Variants in TMEM107 observed in about 807,000 individuals in gnomAD.
The protein encoded by TMEM107 is transmembrane protein 107.
TMEM107 carries 18 observed loss-of-function variants against 16.8 expected under a neutral mutation model. The observed-to-expected ratio is 1.07, with a 90% CI of 0.74 to 1.59. The LOEUF (loss-of-function observed/expected upper bound fraction) is 1.59, where lower values mean the gene tolerates loss of function less well. TMEM107 is among the 40% of genes most tolerant of loss of function. The pLI is 0.00. For missense variants in TMEM107, 152 were observed against 175.4 expected, an observed-to-expected ratio of 0.87 and a Z score of 0.75; for synonymous variants, 68 against 71.6, an observed-to-expected ratio of 0.95 and a Z score of 0.25.
In TMEM107 at chr17:8,173,507, T is replaced by C. The variant is rs779456932; in HGVS notation, c.*696A>G. 4.4e-5 allele frequency: 34 copies of C among 765,196 alleles called. No homozygotes were observed. Among genetic ancestry groups the C allele is most frequent in the East Asian group, 9.7e-5 (4 of 41,254 alleles). The allele number at this position is 765,196 out of a possible 1,614,324, so 47.4% of individuals were successfully genotyped here. The stretch of plus-strand genomic sequence containing the variant: ...AGTCCTGATTACGCAGAGACGTTAA[T>C]CACGTTTCATGCATCTCCAATCATC... On this transcript the variant is annotated 3_prime_UTR_variant, in exon 5 of 5. Transcript: ENST00000437139.
At chr17:8,175,687 T>C (rs1324346265) in intron 3 of TMEM107, 70 bp downstream of exon 3, 1 of 1,212,840 alleles carries the variant, frequency 8.2e-7, no homozygotes. Context: ...GACACTATTG[T>C]GTCAGGTGGC....
At position 8,173,351 on chromosome 17, in the gene TMEM107, C is replaced by T. The variant is rs1407740504; in HGVS notation, c.*852G>A. On this transcript the variant is annotated 3_prime_UTR_variant, in exon 5 of 5. Coordinates refer to ENST00000437139, the MANE Select transcript of TMEM107 (RefSeq NM_183065.4). ...TAGACAAACAGCAATAGCAAGACTG[C>T]AAAATAGACAAACAGCAAGGTTATC... 4 of 605,430 alleles carry T rather than the reference C, an allele frequency of 6.6e-6. No individual in the cohort carries two copies. The highest frequency in any genetic ancestry group is 2.3e-5 in the Admixed American group (1 of 43,048). 37.5% of individuals were successfully genotyped at this position (605,430 alleles called of 1,614,324 possible).
In TMEM107 at chr17:8,176,329, C is replaced by T; in HGVS notation, c.-43G>A. 1 of 1,537,466 alleles carries T rather than the reference C, an allele frequency of 6.5e-7. No homozygotes were observed. The highest frequency in any genetic ancestry group is 8.9e-7 in the Non-Finnish European group (1 of 1,119,592). On this transcript the variant is annotated 5_prime_UTR_variant, in exon 1 of 5. Transcript: ENST00000437139. ...GCGGCGGTCTCTGAGGCTGGAAGTT[C>T]AGAGACAGCGACTCCTGAAGTCTCC...
rs1217921115 is a variant in TMEM107 at position 8,174,140 on chromosome 17, C to CAGG, written c.*60_*62dup. On this transcript the variant is annotated 3_prime_UTR_variant, in exon 5 of 5. Transcript: ENST00000437139. ...ACCGAAGCCTATGCCTTCCTTCTTC[C>CAGG]AGGAATACGAAGCGGCCCTTGCCCC... 2.2e-5 allele frequency: 33 copies of CAGG among 1,470,500 alleles called. No individual in the cohort carries two copies. The Admixed American group carries it at 3.4e-4, about 15-fold the overall frequency. The allele number at this position is 1,470,500 out of a possible 1,614,324, so 91.1% of individuals were successfully genotyped here.
In TMEM107 at chr17:8,173,644, G is replaced by A. The variant is rs1983873937; in HGVS notation, c.*559C>T. On this transcript the variant is annotated 3_prime_UTR_variant, in exon 5 of 5. Coordinates refer to ENST00000437139, the MANE Select transcript of TMEM107 (RefSeq NM_183065.4). The stretch of plus-strand genomic sequence containing the variant: ...TGAAAAAGATTCCGTTACAAGCTAG[G>A]GTGAGTTCATAACGCGCTGGTATGA... 8.2e-6 allele frequency: 6 copies of A among 732,470 alleles called. No individual in the cohort carries two copies. In the East Asian group the frequency reaches 9.9e-5, roughly 12 times the overall value. The allele number at this position is 732,470 out of a possible 1,614,324, so 45.4% of individuals were successfully genotyped here.
intron 3 of TMEM107, chr17:8,174,996 C>A: frequency 4.5e-6 from 1 of 223,456 alleles, no homozygotes; most frequent in Non-Finnish European, 9.1e-6. Flanking sequence ...CCATGTGCCT[C>A]ATCTCCTTTG....
chr17:8,175,726 T>G, intron 3 of TMEM107, 31 bp downstream of exon 3: 2 of 1,576,118 alleles, frequency 1.3e-6, no homozygotes, highest in Non-Finnish European at 1.7e-6. Context: ...AAGTGGGTCG[T>G]GTGGGAAAGG....
In TMEM107 at chr17:8,173,562, C is replaced by T. The variant is rs185052658; in HGVS notation, c.*641G>A. 4.0e-4 allele frequency: 306 copies of T among 765,310 alleles called. 4 individuals carry two copies. The highest frequency in any genetic ancestry group is 2.3e-3 in the South Asian group (171 of 74,602). The allele number at this position is 765,310 out of a possible 1,614,324, so 47.4% of individuals were successfully genotyped here. A position where few individuals can be genotyped will look rare whatever the true frequency, so the allele number is the denominator to read the frequency against. ...TCTAATCTGCCCTCCGGAGGAGGAA[C>T]AGGTAAGGATTATCCCACCTGACGA... On this transcript the variant is annotated 3_prime_UTR_variant, in exon 5 of 5. Coordinates refer to ENST00000437139, the MANE Select transcript of TMEM107 (RefSeq NM_183065.4).
At chr17:8,175,452 A>C in intron 3 of TMEM107, 1 of 589,064 alleles carries the variant, frequency 1.7e-6, no homozygotes, top group Non-Finnish European at 3.0e-6. Context: ...CTCATTGTAA[A>C]AAGAAACGGT....
chr17:8,174,495 C>A, intron 4 of TMEM107, 25 bp downstream of exon 4: 1 of 1,609,478 alleles, frequency 6.2e-7, no homozygotes, highest in Non-Finnish European at 8.5e-7. Context: ...CCTCCCTCAT[C>A]CCCAAATATT....
At position 8,173,572 on chromosome 17, in the gene TMEM107, T is replaced by A. The variant is rs754512822; in HGVS notation, c.*631A>T. The A allele has an allele frequency of 2.6e-6, 2 of 764,780 alleles. No individual in the cohort carries two copies. The highest frequency in any genetic ancestry group is 4.8e-6 in the Non-Finnish European group (2 of 417,744). 47.4% of individuals were successfully genotyped at this position (764,780 alleles called of 1,614,324 possible). The stretch of plus-strand genomic sequence containing the variant: ...CCTCCGGAGGAGGAACAGGTAAGGA[T>A]TATCCCACCTGACGATACAGACAAA... On this transcript the variant is annotated 3_prime_UTR_variant, in exon 5 of 5. Transcript: ENST00000437139.
chr17:8,173,311 A>T lies in TMEM107; in HGVS notation c.*892T>A. 1 of 539,328 alleles carries T rather than the reference A, an allele frequency of 1.9e-6. No individual in the cohort carries two copies. The highest frequency in any genetic ancestry group is 2.9e-5 in the South Asian group (1 of 35,050). The allele number at this position is 539,328 out of a possible 1,614,324, so 33.4% of individuals were successfully genotyped here. ...ACAATTTTCAAGAACAAACAAATTT[A>T]GCAAGACTGCAAAATAGACAAACAG... On this transcript the variant is annotated 3_prime_UTR_variant, in exon 5 of 5. Transcript: ENST00000437139.
chr17:8,174,180 T>G lies in TMEM107; in HGVS notation c.*23A>C. On this transcript the variant is annotated 3_prime_UTR_variant, in exon 5 of 5. Transcript: ENST00000437139. ...GCCCTTGCCCCTGTAGGCTTCGTCC[T>G]TAGGTTCCCGTCATGAAGGTAATCA... 1 of 1,611,704 alleles carries G rather than the reference T, an allele frequency of 6.2e-7. No homozygotes were observed. The highest frequency in any genetic ancestry group is 8.5e-7 in the Non-Finnish European group (1 of 1,177,774).
chr17:8,176,246 G>C lies in TMEM107; in HGVS notation c.41C>G (p.Thr14Arg), dbSNP rs1172454509. 4 of 1,614,032 alleles carry C rather than the reference G, an allele frequency of 2.5e-6. No individual in the cohort carries two copies. The highest frequency in any genetic ancestry group is 3.4e-6 in the Non-Finnish European group (4 of 1,179,984). ...VSGLVPSRFL[T>R]LLAHLVVVIT... ...GACGACCACCAGATGCGCCAGGAGC[G>C]TCAGGAAGCGAGAGGGCACAAGCCC... The change falls in exon 1 of 5, where the codon ACG becomes AGG. Residue 14 changes from threonine to arginine, a missense_variant. Transcript: ENST00000437139.
chr17:8,173,674 T>C lies in TMEM107; in HGVS notation c.*529A>G, dbSNP rs534999794. The C allele has an allele frequency of 1.7e-5, 11 of 657,460 alleles. No individual in the cohort carries two copies. Among genetic ancestry groups the C allele is most frequent in the African/African-American group, 3.6e-5 (2 of 55,502 alleles). 40.7% of individuals were successfully genotyped at this position (657,460 alleles called of 1,614,324 possible). A position where few individuals can be genotyped will look rare whatever the true frequency, so the allele number is the denominator to read the frequency against. On this transcript the variant is annotated 3_prime_UTR_variant, in exon 5 of 5. Transcript: ENST00000437139. ...GTTCATAACGCGCTGGTATGAGCAA[T>C]CCTATTATTTAGCGTCCTTCCAGTT...
rs1322227501 is a variant in TMEM107, at chr17:8,173,264, A to G, written c.*939T>C. ...TGTATTATTTCACTGCCTAAATTCC[A>G]GAAAGCAACAAAAACCAAATCACAA... On this transcript the variant is annotated 3_prime_UTR_variant, in exon 5 of 5. Coordinates refer to ENST00000437139, the MANE Select transcript of TMEM107 (RefSeq NM_183065.4). 2 of 521,626 alleles carry G rather than the reference A, an allele frequency of 3.8e-6. No individual in the cohort carries two copies. Among genetic ancestry groups the G allele is most frequent in the East Asian group, 3.0e-5 (1 of 33,138 alleles). 32.3% of individuals were successfully genotyped at this position (521,626 alleles called of 1,614,324 possible).
In TMEM107 at chr17:8,172,663, C is replaced by T. The variant is rs1349205852; in HGVS notation, c.*1540G>A. ...CCCAGGAGTTTGGGACCAGCTTGGG[C>T]AACACAGTGAGACCCTGTCTCTATA... is the stretch of plus-strand genomic sequence containing the variant. On this transcript the variant is annotated 3_prime_UTR_variant, in exon 5 of 5. Coordinates refer to ENST00000437139, the MANE Select transcript of TMEM107 (RefSeq NM_183065.4). 1.3e-5 allele frequency among the ~76,000 whole-genome samples: 2 copies of T among 151,728 alleles called. No homozygotes were observed. The highest frequency in any genetic ancestry group is 3.9e-4 in the East Asian group (2 of 5,156).
At position 8,176,006 on chromosome 17, in the gene TMEM107, G is replaced by T. The variant is rs1466090000; in HGVS notation, c.108C>A (p.Cys36Ter). ...CCTCGGGGGTGAACGTGAGAGGCAG[G>T]CAGGCCTGTATGTTGCTGTCCTGGG... ...FWSRDSNIQA[C>*]LPLTFTPEEY... Residue 36 changes from cysteine to a stop codon, truncating the protein, a stop_gained, in exon 2 of 5, where the codon TGC becomes TGA. Coordinates refer to ENST00000437139, the MANE Select transcript of TMEM107 (RefSeq NM_183065.4). LOFTEE classifies it high-confidence loss of function. 2.5e-6 allele frequency: 4 copies of T among 1,614,238 alleles called. No individual in the cohort carries two copies. Among genetic ancestry groups the T allele is most frequent in the Non-Finnish European group, 2.5e-6 (3 of 1,180,050 alleles).
Position 8,173,536 on chromosome 17 carries a change from T to A in TMEM107, c.*667A>T, listed in dbSNP as rs772145329. On this transcript the variant is annotated 3_prime_UTR_variant, in exon 5 of 5. Transcript: ENST00000437139. ...GTTTCATGCATCTCCAATCATCATG[T>A]TCTAATCTGCCCTCCGGAGGAGGAA... 1.3e-6 allele frequency: 1 copy of A among 765,424 alleles called. No homozygotes were observed. The highest frequency in any genetic ancestry group is 2.4e-6 in the Non-Finnish European group (1 of 418,030). 47.4% of individuals were successfully genotyped at this position (765,424 alleles called of 1,614,324 possible).
Sources: allele counts gnomAD v4.1 joint callset (sites outside exome capture counted in the v4.1 genomes callset), GRCh38; gene constraint gnomAD v4.1.1; transcripts MANE v1.5; gene names NCBI Gene and HGNC (gene_info 2026-07-23, HGNC 2026-07-21).